NPAS2: variants seen among roughly 807,000 people sequenced by gnomAD.
The protein encoded by NPAS2 is neuronal PAS domain protein 2.
In NPAS2, 23 loss-of-function variants were observed where a neutral mutation model predicts 107.5. That is an observed-to-expected ratio of 0.21 (90% CI 0.15 to 0.30). NPAS2 has a LOEUF of 0.30. NPAS2 is among the 10% of genes least tolerant of loss of function. The pLI is 1.00. For synonymous variants in NPAS2, 403 were observed against 417.5 expected (o/e 0.97, Z 0.42); for missense variants, 756 against 1,043.3 (o/e 0.72, Z 3.79).
At chr2:100,913,635 C>T (rs965047957) in intron 2 of NPAS2, among the ~76,000 whole-genome samples, 1 of 152,096 alleles carries the variant, frequency 6.6e-6, no homozygotes, top group African/African-American at 2.4e-5. Context: ...GATAGTTTTT[C>T]CCCCCTCTTT....
chr2:100,898,972 G>A (rs1681601730), intron 1 of NPAS2, among the ~76,000 whole-genome samples: 2 of 152,066 alleles, frequency 1.3e-5, no homozygotes, highest in African/African-American at 4.8e-5. Context: ...TATTTCCTGG[G>A]TCTTCCTCTC....
chr2:100,973,469 A>G (rs1282492898), intron 12 of NPAS2, among the ~76,000 whole-genome samples: 5 of 152,196 alleles, frequency 3.3e-5, no homozygotes, highest in African/African-American at 9.7e-5. Flanking sequence ...ACCCCGCTCT[A>G]AGGAGCCTGG....
At chr2:100,920,976 A>G (rs356642) in intron 2 of NPAS2, among the ~76,000 whole-genome samples, 131,254 of 152,286 alleles carry the variant, frequency 0.86, 56,690 homozygotes, top group East Asian at 1. Flanking sequence ...AACGGGGAAC[A>G]CAAACACCAG....
Position 100,968,208 on chromosome 2 carries a change from A to G in NPAS2, c.908-73A>G. On this transcript the variant is annotated intron_variant, in intron 10 of 20. Coordinates refer to ENST00000335681, the MANE Select transcript of NPAS2 (RefSeq NM_002518.4). This position sits in a 1 kb window ranked among gnomAD's most constrained non-coding sequence, Gnocchi z 5.3. Reference sequence around the variant, plus strand: ...TCTTTTTTTTTGAAAGCTTATCTTTACAATAACTCTTGGGGAAAAGATCAT... The same window carrying G: ...TCTTTTTTTTTGAAAGCTTATCTTTGCAATAACTCTTGGGGAAAAGATCAT... 1 of 1,495,476 alleles carries G rather than the reference A, an allele frequency of 6.7e-7. No individual in the cohort carries two copies. 92.6% of individuals were successfully genotyped at this position (1,495,476 alleles called of 1,614,324 possible).
At chr2:100,943,918 T>A (rs1674732303) in intron 5 of NPAS2, among the ~76,000 whole-genome samples, 1 of 152,220 alleles carries the variant, frequency 6.6e-6, no homozygotes, top group Non-Finnish European at 1.5e-5. Flanking sequence ...ACGTATGTGT[T>A]GCAAATACCC....
rs991671542 is a variant in NPAS2, at chr2:100,996,699, T to A, written c.*1117T>A. On this transcript the variant is annotated 3_prime_UTR_variant, in exon 21 of 21. Coordinates refer to ENST00000335681, the MANE Select transcript of NPAS2 (RefSeq NM_002518.4). The stretch of plus-strand genomic sequence containing the variant: ...GACCTATTTCTATATAAAATAAAAT[T>A]GTATGGCTTATGTGTAAATTATTTT... 6.6e-6 allele frequency: 1 copy of A among 152,646 alleles called. No individual in the cohort carries two copies. The highest frequency in any genetic ancestry group is 2.1e-4 in the South Asian group (1 of 4,836). 9.5% of individuals were successfully genotyped at this position (152,646 alleles called of 1,614,324 possible). A position where few individuals can be genotyped will look rare whatever the true frequency, so the allele number is the denominator to read the frequency against.
In NPAS2 at chr2:100,860,441, T is replaced by G. The variant is rs114516729; in HGVS notation, c.-23+40027T>G. 5.8e-3 allele frequency among the ~76,000 whole-genome samples: 879 copies of G among 152,328 alleles called. 5 individuals carry two copies. Among genetic ancestry groups the G allele is most frequent in the Non-Finnish European group, 8.1e-3 (552 of 68,030 alleles). ...GAACTATTTTTCCTTTTAATTATTA[T>G]GTTGTGGGAGATATCCTGAGACTAT... On this transcript the variant is annotated intron_variant, in intron 1 of 20. Coordinates refer to ENST00000335681, the MANE Select transcript of NPAS2 (RefSeq NM_002518.4).
intron 15 of NPAS2, 89 bp from the exon 16 acceptor site, chr2:100,982,142 G>A (rs1478854501): frequency 6.8e-7 from 1 of 1,475,602 alleles, no homozygotes; most frequent in Non-Finnish European, 9.3e-7. Flanking sequence ...GGACGGAAAT[G>A]AAGTGTACAG....
chr2:100,892,907 C>G (rs1263087262), intron 1 of NPAS2, among the ~76,000 whole-genome samples: 9 of 151,910 alleles, frequency 5.9e-5, no homozygotes, highest in South Asian at 2.1e-4. Flanking sequence ...TCAGTAGAGA[C>G]AGGGTTTCAC....
At chr2:100,904,948 C>T (rs1682047438) in intron 2 of NPAS2, among the ~76,000 whole-genome samples, 162 bp downstream of exon 2, 1 of 152,182 alleles carries the variant, frequency 6.6e-6, no homozygotes, top group Non-Finnish European at 1.5e-5. Flanking sequence ...CATGAGAAAC[C>T]TTCTAGAGAG....
intron 17 of NPAS2, chr2:100,988,779 GCTC>G (rs1284716271): frequency 5.2e-6 from 1 of 192,990 alleles, no homozygotes; most frequent in African/African-American, 3.1e-5. Flanking sequence ...AGGTCTCCCT[GCTC>G]CTCCAGGCCC....
chr2:100,952,874 CTA>C (rs1675320396), intron 7 of NPAS2, among the ~76,000 whole-genome samples: 1 of 121,868 alleles, frequency 8.2e-6, no homozygotes. Flanking sequence ...TTTTTGGAAA[CTA>C]TTACTGCTGT....
intron 2 of NPAS2, among the ~76,000 whole-genome samples, chr2:100,919,341 A>G (rs1455503449): frequency 6.6e-6 from 1 of 152,200 alleles, no homozygotes; most frequent in Non-Finnish European, 1.5e-5. Flanking sequence ...CCGAAGAAAA[A>G]GTCAGGCTCA....
intron 1 of NPAS2, among the ~76,000 whole-genome samples, chr2:100,849,176 C>G (rs1055697083): frequency 2.0e-5 from 3 of 152,192 alleles, no homozygotes; most frequent in Non-Finnish European, 2.9e-5. Flanking sequence ...TCTGTCAGAC[C>G]AGAGTAGTGC....
In NPAS2 at chr2:100,833,856, AT is replaced by A. The variant is rs377068204; in HGVS notation, c.-23+13443del. On this transcript the variant is annotated intron_variant, in intron 1 of 20. Transcript: ENST00000335681. Reference sequence around the variant, plus strand: ...GCTCAGCTCCCACAGTTCTTAAAGGATCCTATTGTTTGTCTCCTATGTCAGC... The same window carrying A: ...GCTCAGCTCCCACAGTTCTTAAAGGACCTATTGTTTGTCTCCTATGTCAGC... 1.6e-3 allele frequency among the ~76,000 whole-genome samples: 248 copies of A among 152,182 alleles called. 2 individuals are homozygous for A. Among genetic ancestry groups the A allele is most frequent in the African/African-American group, 5.7e-3 (237 of 41,504 alleles).
At chr2:100,928,900 T>A (rs556247172) in intron 3 of NPAS2, among the ~76,000 whole-genome samples, 1 of 152,140 alleles carries the variant, frequency 6.6e-6, no homozygotes, top group Non-Finnish European at 1.5e-5. Context: ...GAGCTCCTCT[T>A]CATGGCAGCA....
At position 100,833,217 on chromosome 2, in the gene NPAS2, A is replaced by G. The variant is rs562544391; in HGVS notation, c.-23+12803A>G. Among the ~76,000 whole-genome samples the G allele has an allele frequency of 3.3e-5, 5 of 152,322 alleles. No homozygotes were observed. The East Asian group carries it at 9.6e-4, about 29-fold the overall frequency. ...TAGCAGAAAGCTTTGACGCCCTGAT[A>G]TGGTCACTGTGACCAAGTGGCCTTG... On this transcript the variant is annotated intron_variant, in intron 1 of 20. Coordinates refer to ENST00000335681, the MANE Select transcript of NPAS2 (RefSeq NM_002518.4).
At chr2:100,876,958 A>C (rs1680008022) in intron 1 of NPAS2, among the ~76,000 whole-genome samples, 1 of 152,206 alleles carries the variant, frequency 6.6e-6, no homozygotes, top group Non-Finnish European at 1.5e-5. Flanking sequence ...AACATGACAG[A>C]AAACTGGTAG....
In NPAS2 at chr2:100,820,396, C is replaced by T. The variant is rs1241663479; in HGVS notation, c.-41C>T. 2 of 149,962 alleles carry T rather than the reference C, an allele frequency of 1.3e-5. No homozygotes were observed. Among genetic ancestry groups the T allele is most frequent in the South Asian group, 2.1e-4 (1 of 4,840 alleles). The allele number at this position is 149,962 out of a possible 1,614,324, so 9.3% of individuals were successfully genotyped here. On this transcript the variant is annotated 5_prime_UTR_variant, in exon 1 of 21. Transcript: ENST00000335681. This position sits in a 1 kb window ranked among gnomAD's most constrained non-coding sequence, Gnocchi z 5.6. ...CAGTCCGCGCCCGGCCCCGCGGGGCCGCTCCGGCCCGCTCCGAGGTAAGGG... is the reference window on the plus strand; with the variant it reads ...CAGTCCGCGCCCGGCCCCGCGGGGCTGCTCCGGCCCGCTCCGAGGTAAGGG...
Sources: gnomAD v4.1 joint callset for allele counts (sites outside exome capture counted in the v4.1 genomes callset) on GRCh38, gnomAD v4.1.1 for gene constraint, Gnocchi (gnomAD v3.1) non-coding constraint, MANE v1.5 for transcripts, NCBI Gene and HGNC (gene_info 2026-07-23, HGNC 2026-07-21) for gene names.